The following WNK1 variants were observed in gnomAD, a reference collection of about 807,000 sequenced individuals.
WNK1 encodes the protein serine/threonine-protein kinase WNK1.
Under a neutral mutation model 222.8 loss-of-function variants are expected in WNK1, and 38 were observed. The ratio of observed to expected loss-of-function variants is 0.17; its 90% confidence interval spans 0.13 to 0.22. The LOEUF (loss-of-function observed/expected upper bound fraction) is 0.22, where lower values mean the gene tolerates loss of function less well. Ranked by LOEUF, WNK1 falls within the 10% of genes least tolerant of loss-of-function variation. The pLI, the probability that WNK1 is intolerant of heterozygous loss-of-function variation, is 1.00. For missense variants in WNK1, 2,348 were observed against 2,918.4 expected (o/e 0.80, Z 4.50); for synonymous variants, 1,090 against 1,092.9 (o/e 1.00, Z 0.05).
chr12:838,859 A>G lies in WNK1; in HGVS notation c.1311+8699A>G, dbSNP rs998430980. Among the ~76,000 whole-genome samples the G allele has an allele frequency of 4.6e-5, 7 of 152,174 alleles. No individual in the cohort carries two copies. The East Asian group carries it at 1.2e-3, about 25-fold the overall frequency. On this transcript the variant is annotated intron_variant, in intron 4 of 27. Coordinates refer to ENST00000315939, the MANE Select transcript of WNK1 (RefSeq NM_018979.4). Reference sequence around the variant, plus strand: ...AGGTACTAGAGATTGGAACCACAACATATCTTTTTGAGGGACACAGTTCAA... The same window carrying G: ...AGGTACTAGAGATTGGAACCACAACGTATCTTTTTGAGGGACACAGTTCAA...
chr12:884,574 T>A lies in WNK1; in HGVS notation c.3845-75T>A. On this transcript the variant is annotated intron_variant, in intron 18 of 27. Transcript: ENST00000315939. This position sits in a 1 kb window ranked among gnomAD's most constrained non-coding sequence, Gnocchi z 5.6. ...AAAACAGATATTTATAGGAGCTGAC[T>A]TAGGCTAGCAGACAATCTTTTGAAT... 6.9e-7 allele frequency: 1 copy of A among 1,457,680 alleles called. No individual in the cohort carries two copies. The highest frequency in any genetic ancestry group is 2.3e-5 in the East Asian group (1 of 44,058). 90.3% of individuals were successfully genotyped at this position (1,457,680 alleles called of 1,614,324 possible). A position where few individuals can be genotyped will look rare whatever the true frequency, so the allele number is the denominator to read the frequency against.
At position 778,860 on chromosome 12, in the gene WNK1, A is replaced by G. The variant is rs112799957; in HGVS notation, c.759+24536A>G. ...CGTGCTGTTTCTGGTGAACACCACCACAGGGTCACAGTAAGGTTCTAAAAA... is the reference window on the plus strand; with the variant it reads ...CGTGCTGTTTCTGGTGAACACCACCGCAGGGTCACAGTAAGGTTCTAAAAA... On this transcript the variant is annotated intron_variant, in intron 1 of 27. Transcript: ENST00000315939. 1.8e-3 allele frequency among the ~76,000 whole-genome samples: 272 copies of G among 152,252 alleles called. 1 individual carries two copies. The highest frequency in any genetic ancestry group is 5.7e-3 in the African/African-American group (239 of 41,566).
intron 4 of WNK1, among the ~76,000 whole-genome samples, chr12:852,052 T>A (rs953318756): frequency 2.0e-5 from 3 of 152,194 alleles, no homozygotes; most frequent in African/African-American, 7.2e-5. Flanking sequence ...CCTACGACAT[T>A]TGAAGCATCA....
intron 1 of WNK1, among the ~76,000 whole-genome samples, chr12:779,410 CT>C (rs71439359): frequency 2.1e-4 from 22 of 105,996 alleles, no homozygotes; most frequent in Non-Finnish European, 3.8e-4. Context: ...TTTTTTTTTT[CT>C]TTTTTTTTTT....
intron 1 of WNK1, among the ~76,000 whole-genome samples, chr12:759,269 G>A (rs1015357658): frequency 7.5e-5 from 11 of 147,060 alleles, no homozygotes; most frequent in Admixed American, 4.7e-4. Flanking sequence ...TGCTATACCA[G>A]TTCTTTAAAT....
At chr12:851,808 A>G (rs1316878213) in intron 4 of WNK1, 2 of 1,319,744 alleles carry the variant, frequency 1.5e-6, no homozygotes, top group Non-Finnish European at 2.0e-6. Flanking sequence ...CAGTATATGT[A>G]ACAGTTTATA....
chr12:810,531 T>C (rs1194477562), intron 1 of WNK1, among the ~76,000 whole-genome samples: 1 of 152,208 alleles, frequency 6.6e-6, no homozygotes, highest in Non-Finnish European at 1.5e-5. Context: ...AAGTAAAAAT[T>C]TCAAGTTTAA....
At chr12:759,543 C>A (rs543179606) in intron 1 of WNK1, among the ~76,000 whole-genome samples, 4 of 147,494 alleles carry the variant, frequency 2.7e-5, no homozygotes, top group South Asian at 2.2e-4. Flanking sequence ...GTTGGCCAGG[C>A]TGGTCTTGAA....
In WNK1 at chr12:762,560, C is replaced by T. The variant is rs1277271479; in HGVS notation, c.759+8236C>T. Among the ~76,000 whole-genome samples, 4 of 146,786 alleles carry T rather than the reference C, an allele frequency of 2.7e-5. 1 individual carries two copies. The highest frequency in any genetic ancestry group is 2.0e-4 in the East Asian group (1 of 5,114). Reference sequence around the variant, plus strand: ...ATATGGAACCTGAGGATGTGGAGGGCGGACTGTTCTTATGTGTAGAAAGTA... The same window carrying T: ...ATATGGAACCTGAGGATGTGGAGGGTGGACTGTTCTTATGTGTAGAAAGTA... On this transcript the variant is annotated intron_variant, in intron 1 of 27. Coordinates refer to ENST00000315939, the MANE Select transcript of WNK1 (RefSeq NM_018979.4).
At position 879,586 on chromosome 12, in the gene WNK1, A is replaced by G; in HGVS notation, c.2387A>G (p.Gln796Arg). 6.3e-7 allele frequency: 1 copy of G among 1,582,188 alleles called. No individual in the cohort carries two copies. Among genetic ancestry groups the G allele is most frequent in the Non-Finnish European group, 8.5e-7 (1 of 1,171,590 alleles). ...TTACCTTCCCAGCTTCCAGTTTCCCAGCCAGTACCAACTATCCAAGGCGAA... is the reference window on the plus strand; with the variant it reads ...TTACCTTCCCAGCTTCCAGTTTCCCGGCCAGTACCAACTATCCAAGGCGAA... ...VSAGKQLPVS[Q>R]PVPTIQGEPQ... is the part of the protein sequence containing the mutation. Residue 796 changes from glutamine (Q) to arginine (R), a missense_variant, in exon 11 of 28, where the codon CAG (glutamine) becomes CGG (arginine). Physicochemically the swap from Gln to Arg is conservative, Grantham distance 43. Transcript: ENST00000315939.
chr12:870,671 T>G (rs939484930), intron 8 of WNK1, among the ~76,000 whole-genome samples: 4 of 152,210 alleles, frequency 2.6e-5, no homozygotes, highest in Admixed American at 6.5e-5. Flanking sequence ...TTATACCTCC[T>G]AAATACTAGT....
At chr12:844,399 G>T (rs1949863897) in intron 4 of WNK1, among the ~76,000 whole-genome samples, 1 of 152,132 alleles carries the variant, frequency 6.6e-6, no homozygotes, top group Non-Finnish European at 1.5e-5. Context: ...GCCTCCCAAA[G>T]TTCTGGGATT....
chr12:814,134 G>A (rs1382619691), intron 2 of WNK1, among the ~76,000 whole-genome samples: 1 of 149,202 alleles, frequency 6.7e-6, no homozygotes, highest in Non-Finnish European at 1.5e-5. Context: ...TTCGAGACCA[G>A]CCTGGCCAAC....
intron 9 of WNK1, among the ~76,000 whole-genome samples, chr12:873,522 C>A (rs1179467029): frequency 6.6e-6 from 1 of 152,140 alleles, no homozygotes; most frequent in Non-Finnish European, 1.5e-5. Context: ...TGTATTCGGT[C>A]TAGAATAATT....
intron 2 of WNK1, among the ~76,000 whole-genome samples, chr12:824,766 T>A (rs1310102736): frequency 6.6e-6 from 1 of 152,078 alleles, no homozygotes; most frequent in Non-Finnish European, 1.5e-5. Context: ...ACAAATAAAA[T>A]TTCCAATATT....
At chr12:756,651 A>G (rs575130838) in intron 1 of WNK1, among the ~76,000 whole-genome samples, 1 of 152,332 alleles carries the variant, frequency 6.6e-6, no homozygotes, top group Admixed American at 6.5e-5. Flanking sequence ...GTAGTTAGGC[A>G]GTATTTTTGG....
At chr12:800,605 T>C (rs1591761724) in intron 1 of WNK1, among the ~76,000 whole-genome samples, 1 of 152,328 alleles carries the variant, frequency 6.6e-6, no homozygotes, top group East Asian at 1.9e-4. Context: ...TGTGATGATC[T>C]GTGGGCCTGC....
At chr12:864,158 A>T in intron 8 of WNK1, among the ~76,000 whole-genome samples, 1 of 141,364 alleles carries the variant, frequency 7.1e-6, no homozygotes. Flanking sequence ...CCCAGGTGGG[A>T]ATACAGTGGC....
At chr12:764,703 G>T (rs1001221754) in intron 1 of WNK1, among the ~76,000 whole-genome samples, 2 of 128,650 alleles carry the variant, frequency 1.6e-5, no homozygotes, top group East Asian at 2.2e-4. Context: ...CTGACAAAAA[G>T]AAATTAAAAA....
Sources: gnomAD v4.1 joint callset for allele counts (sites outside exome capture counted in the v4.1 genomes callset) on GRCh38, gnomAD v4.1.1 for gene constraint, Gnocchi (gnomAD v3.1) non-coding constraint, MANE v1.5 for transcripts, NCBI Gene and HGNC (gene_info 2026-07-23, HGNC 2026-07-21) for gene names.